KIFBP: variants seen among roughly 807,000 people sequenced by gnomAD.
KIFBP encodes the protein kinesin family binding protein, also known as KIF-binding protein.
A neutral mutation model predicts 58.9 loss-of-function variants in KIFBP; 46 were observed. That is an observed-to-expected ratio of 0.78 (90% CI 0.62 to 1.00). The LOEUF (loss-of-function observed/expected upper bound fraction) is 1.00, where lower values mean the gene tolerates loss of function less well. Ranked by LOEUF, KIFBP falls within the 50% of genes least tolerant of loss-of-function variation. The pLI is 0.00. For missense variants in KIFBP, 651 were observed against 752.9 expected, an observed-to-expected ratio of 0.86 and a Z score of 1.58; for synonymous variants, 241 against 283.4, an observed-to-expected ratio of 0.85 and a Z score of 1.50.
rs916506289 is a variant in KIFBP, at chr10:69,005,934, T to C, written c.789+19T>C. 4 of 1,604,552 alleles carry C rather than the reference T, an allele frequency of 2.5e-6. No homozygotes were observed. In the African/African-American group the frequency reaches 4.0e-5, roughly 16 times the overall value. ...CAATAAGGTAAGCTTCTTGAAGTAG[T>C]TATCTAACAGAGTACCAATAGTGAG... On this transcript the variant is annotated intron_variant, in intron 4 of 6. Coordinates refer to ENST00000361983, the MANE Select transcript of KIFBP (RefSeq NM_015634.4).
At chr10:69,009,015 A>G in intron 5 of KIFBP, 90 bp downstream of exon 5, 1 of 1,046,704 alleles carries the variant, frequency 9.6e-7, no homozygotes, top group South Asian at 1.3e-5. Context: ...CAAGAACAGA[A>G]GAGCTATCAT....
In KIFBP at chr10:68,989,425, CT is replaced by C; in HGVS notation, c.426+169del. ...GTCTGTGGTCTTCAAAAAAGCCAGT[CT>C]TATGGACTTATTGCCTTGTAACTAG... On this transcript the variant is annotated intron_variant, in intron 1 of 6. Coordinates refer to ENST00000361983, the MANE Select transcript of KIFBP (RefSeq NM_015634.4). 3 of 720,134 alleles carry C rather than the reference CT, an allele frequency of 4.2e-6. No homozygotes were observed. The South Asian group carries it at 5.2e-5, about 12-fold the overall frequency. The allele number at this position is 720,134 out of a possible 1,614,324, so 44.6% of individuals were successfully genotyped here. A position where few individuals can be genotyped will look rare whatever the true frequency, so the allele number is the denominator to read the frequency against.
chr10:68,989,671 G>C, intron 1 of KIFBP: 1 of 208,094 alleles, frequency 4.8e-6, no homozygotes, highest in Non-Finnish European at 9.7e-6. Context: ...ACAATGACCG[G>C]AGTACATTCT....
intron 1 of KIFBP, among the ~76,000 whole-genome samples, chr10:68,993,836 C>T (rs1589293564): frequency 6.6e-6 from 1 of 152,096 alleles, no homozygotes; most frequent in African/African-American, 2.4e-5. Flanking sequence ...TGATTGGCTG[C>T]TTTAGATTTC....
intron 1 of KIFBP, among the ~76,000 whole-genome samples, chr10:68,990,385 A>C (rs527245541): frequency 4.6e-5 from 7 of 152,048 alleles, no homozygotes; most frequent in African/African-American, 1.7e-4. Flanking sequence ...AAAACAAAAC[A>C]AAAAACCCAC....
At chr10:68,990,989 G>T (rs1589292888) in intron 1 of KIFBP, 1 of 152,182 alleles carries the variant, frequency 6.6e-6, no homozygotes, top group Non-Finnish European at 1.5e-5. Flanking sequence ...ATGTAGAAAA[G>T]GCCGGATGTG....
At chr10:69,006,359 A>C (rs1843536414) in intron 4 of KIFBP, among the ~76,000 whole-genome samples, 1 of 152,154 alleles carries the variant, frequency 6.6e-6, no homozygotes, top group Admixed American at 6.5e-5. Flanking sequence ...TTCAGAATTA[A>C]CTCTGTAATA....
At position 69,015,784 on chromosome 10, in the gene KIFBP, A is replaced by G. The variant is rs745934722; in HGVS notation, c.1234A>G (p.Ile412Val). The change falls in exon 7 of 7, where the codon ATT becomes GTT. Residue 412 changes from isoleucine (I) to valine (V), a missense_variant. Coordinates refer to ENST00000361983, the MANE Select transcript of KIFBP (RefSeq NM_015634.4). ...CTTTGAGGCAAAAGAGTTCTTTCAG[A>G]TTGATGGTTATGTCACTGACCATAT... ...YVFEAKEFFQ[I>V]DGYVTDHIEV... The G allele has an allele frequency of 1.9e-6, 3 of 1,614,052 alleles. No homozygotes were observed. In the Admixed American group the frequency reaches 5.0e-5, roughly 27 times the overall value.
intron 1 of KIFBP, among the ~76,000 whole-genome samples, chr10:68,996,021 G>C (rs1843398967): frequency 6.6e-6 from 1 of 151,972 alleles, no homozygotes; most frequent in African/African-American, 2.4e-5. Context: ...AGCCAGGTGT[G>C]GTGGCAGGTG....
At chr10:68,996,889 C>T (rs183939853) in intron 1 of KIFBP, among the ~76,000 whole-genome samples, 151 of 151,776 alleles carry the variant, frequency 9.9e-4, no homozygotes, top group African/African-American at 3.3e-3. Flanking sequence ...TTTGGCCAGG[C>T]GCAGTGGCTC....
At chr10:68,991,519 A>G (rs1000388466) in intron 1 of KIFBP, 1 of 438,212 alleles carries the variant, frequency 2.3e-6, no homozygotes, top group Admixed American at 2.4e-5. Flanking sequence ...GGAGACATGC[A>G]CTGGTCCAGA....
At chr10:69,014,499 A>G (rs1838963247) in intron 6 of KIFBP, among the ~76,000 whole-genome samples, 2 of 152,288 alleles carry the variant, frequency 1.3e-5, no homozygotes, top group South Asian at 2.1e-4. Flanking sequence ...AGCTAAAGTT[A>G]GAGTTAGAAA....
chr10:69,000,060 A>G (rs1400849263), intron 1 of KIFBP, among the ~76,000 whole-genome samples: 1 of 151,896 alleles, frequency 6.6e-6, no homozygotes, highest in Non-Finnish European at 1.5e-5. Flanking sequence ...AAAAAAAAAA[A>G]AAAAAGCAGG....
chr10:68,993,868 C>CTG (rs1843377428), intron 1 of KIFBP, among the ~76,000 whole-genome samples: 1 of 152,110 alleles, frequency 6.6e-6, no homozygotes, highest in Non-Finnish European at 1.5e-5. Context: ...CCTAAGTAAA[C>CTG]TGATTAAGTT....
chr10:69,008,653 A>C (rs577135577), intron 4 of KIFBP, among the ~76,000 whole-genome samples, 188 bp from the exon 5 acceptor site: 2 of 152,032 alleles, frequency 1.3e-5, no homozygotes, highest in African/African-American at 2.4e-5. Context: ...TTGAGGTTAC[A>C]TTTTAACCAG....
intron 2 of KIFBP, among the ~76,000 whole-genome samples, chr10:69,004,643 G>C (rs943289066): frequency 1.3e-5 from 2 of 152,084 alleles, no homozygotes. Flanking sequence ...CAGGTGGATT[G>C]CTTGAGCCCA....
chr10:69,011,293 C>G (rs1183910294), intron 6 of KIFBP: 2 of 312,118 alleles, frequency 6.4e-6, no homozygotes, highest in African/African-American at 4.3e-5. Flanking sequence ...TAAAATAAAT[C>G]TTACTCATCA....
chr10:68,991,006 C>T (rs1176551132), intron 1 of KIFBP: 1 of 152,128 alleles, frequency 6.6e-6, no homozygotes, highest in African/African-American at 2.4e-5. Flanking sequence ...TGTGGTGGCT[C>T]ACACTTGTAA....
chr10:69,008,391 A>AAAAAAAAAAATATATATATAT, intron 4 of KIFBP, among the ~76,000 whole-genome samples: 8 of 71,592 alleles, frequency 1.1e-4, no homozygotes, highest in Non-Finnish European at 1.7e-4. Context: ...AAAAAAAAAA[A>AAAAAAAAAAATATATATATAT]ATATATATAT....
Sources: allele counts gnomAD v4.1 joint callset (sites outside exome capture counted in the v4.1 genomes callset), GRCh38; gene constraint gnomAD v4.1.1; transcripts MANE v1.5; gene names NCBI Gene and HGNC (gene_info 2026-07-23, HGNC 2026-07-21).